Variants in TBC1D10A observed in about 807,000 individuals in gnomAD.
TBC1D10A encodes TBC1 domain family member 10A.
In TBC1D10A, 24 loss-of-function variants were observed where a neutral mutation model predicts 52.9. That is an observed-to-expected ratio of 0.45 (90% CI 0.33 to 0.64). TBC1D10A has a LOEUF of 0.64. TBC1D10A is among the 30% of genes least tolerant of loss of function. The pLI, the probability that TBC1D10A is intolerant of heterozygous loss-of-function variation, is 0.02. For missense variants in TBC1D10A, 602 were observed against 687.9 expected, an observed-to-expected ratio of 0.88 and a Z score of 1.40; for synonymous variants, 278 against 282.9, an observed-to-expected ratio of 0.98 and a Z score of 0.17.
chr22:30,299,835 C>G, intron 2 of TBC1D10A: 1 of 259,686 alleles, frequency 3.9e-6, no homozygotes, highest in Non-Finnish European at 7.6e-6. Flanking sequence ...GGTGTGGTGG[C>G]GGGCGCCTGT....
rs1930012825 is a variant in TBC1D10A at position 30,293,910 on chromosome 22, C to T, written c.895+11G>A. 23 of 1,609,352 alleles carry T rather than the reference C, an allele frequency of 1.4e-5. No homozygotes were observed. The highest frequency in any genetic ancestry group is 2.7e-5 in the African/African-American group (2 of 74,876). ...GGGACAGGGGTGCTCCCCCCAAGCC[C>T]AGCCCAGTACCTTCACAGAAGAACA... On this transcript the variant is annotated intron_variant, in intron 7 of 8. Transcript: ENST00000215790.
chr22:30,309,283 C>G (rs932624785), intron 1 of TBC1D10A, among the ~76,000 whole-genome samples: 1 of 151,744 alleles, frequency 6.6e-6, no homozygotes, highest in Non-Finnish European at 1.5e-5. Context: ...GTCGCCCAGG[C>G]TGGAGTGCAG....
intron 1 of TBC1D10A, among the ~76,000 whole-genome samples, chr22:30,307,376 T>C (rs1337342502): frequency 6.6e-6 from 1 of 152,224 alleles, no homozygotes; most frequent in Non-Finnish European, 1.5e-5. Context: ...CAGCCACTGC[T>C]GGAACTCCTC....
chr22:30,292,970 C>T, intron 8 of TBC1D10A, 119 bp from the exon 9 acceptor site: 2 of 1,131,364 alleles, frequency 1.8e-6, no homozygotes, highest in Non-Finnish European at 1.3e-6. Flanking sequence ...TAAACACTGA[C>T]CCCAGGAAGG....
chr22:30,322,692 C>A (rs929817293), intron 1 of TBC1D10A, among the ~76,000 whole-genome samples: 1 of 138,810 alleles, frequency 7.2e-6, no homozygotes, highest in Non-Finnish European at 1.5e-5. Context: ...CCTCCCTGGG[C>A]TCAAGCAGTC....
At chr22:30,295,113 T>G (rs1364299435) in intron 4 of TBC1D10A, 58 bp from the exon 5 acceptor site, 6 of 1,553,216 alleles carry the variant, frequency 3.9e-6, no homozygotes, top group Non-Finnish European at 4.4e-6. Context: ...CCCACGGCCT[T>G]CACCTATGCC....
At chr22:30,296,135 A>C in intron 3 of TBC1D10A, 1 of 369,428 alleles carries the variant, frequency 2.7e-6, no homozygotes, top group Non-Finnish European at 5.0e-6. Flanking sequence ...ACCTCTAGAC[A>C]TTTCATTCGG....
chr22:30,308,295 CCTGCATGCCTGCCTGCCTGCATGCCTGCA>C (rs1569162169), intron 1 of TBC1D10A, among the ~76,000 whole-genome samples: 9 of 80,292 alleles, frequency 1.1e-4, no homozygotes, highest in African/African-American at 2.8e-4. Flanking sequence ...TGCCTGCATG[CCTGCATGCCTGCCTGCCTGCATGCCTGCA>C]TGCCTGCATG....
chr22:30,293,213 C>G (rs1929990358), intron 8 of TBC1D10A: 2 of 630,712 alleles, frequency 3.2e-6, no homozygotes, highest in African/African-American at 3.6e-5. Context: ...AATTCCAGCT[C>G]CACCTGGGTG....
chr22:30,295,267 T>C (rs562634212), intron 4 of TBC1D10A, among the ~76,000 whole-genome samples: 4 of 152,060 alleles, frequency 2.6e-5, no homozygotes, highest in Non-Finnish European at 4.4e-5. Flanking sequence ...GTCTCCCCCA[T>C]GACAGGGGAG....
chr22:30,315,921 G>A (rs528936637), intron 1 of TBC1D10A, among the ~76,000 whole-genome samples: 114 of 152,218 alleles, frequency 7.5e-4, no homozygotes, highest in Non-Finnish European at 1.3e-3. Context: ...GAGGAGGAGA[G>A]GCCACACAGT....
intron 1 of TBC1D10A, among the ~76,000 whole-genome samples, chr22:30,325,138 C>T (rs1480293666): frequency 6.6e-6 from 1 of 152,228 alleles, no homozygotes; most frequent in Non-Finnish European, 1.5e-5. Context: ...GACAAAGCAT[C>T]AGTCAGGGTG....
chr22:30,293,989 A>G lies in TBC1D10A; in HGVS notation c.827T>C (p.Met276Thr), dbSNP rs1930015061. The change falls in exon 7 of 9, where the codon ATG becomes ACG. Residue 276 changes from methionine to threonine, a missense_variant. Physicochemically the swap from Met to Thr is moderately conservative, Grantham distance 81. Coordinates refer to ENST00000215790, the MANE Select transcript of TBC1D10A (RefSeq NM_031937.3). ...GGGCAAGGTTCGGGAGAAGGCGCACATGAACCATTCTGTCATATAGAGGAG... is the reference window on the plus strand; with the variant it reads ...GGGCAAGGTTCGGGAGAAGGCGCACGTGAACCATTCTGTCATATAGAGGAG... Reference protein sequence around the residue: ...DPLLYMTEWFMCAFSRTLPWS... With the variant: ...DPLLYMTEWFTCAFSRTLPWS... 1 of 1,614,166 alleles carries G rather than the reference A, an allele frequency of 6.2e-7. No individual in the cohort carries two copies. Among genetic ancestry groups the G allele is most frequent in the Non-Finnish European group, 8.5e-7 (1 of 1,179,992 alleles).
chr22:30,292,385 G>GT lies in TBC1D10A; in HGVS notation c.1516dup (p.Thr506AsnfsTer33), dbSNP rs772526711. On this transcript the variant is annotated frameshift_variant, in exon 9 of 9. Coordinates refer to ENST00000215790, the MANE Select transcript of TBC1D10A (RefSeq NM_031937.3). LOFTEE classifies it high-confidence loss of function. ...CCTTAGCTGCCAGGGTTACAAGTAG[G>GT]TGTCCTCACTCTCTTGGGACGTCAA... 9.0e-6 allele frequency: 14 copies of GT among 1,547,236 alleles called. No homozygotes were observed. The highest frequency in any genetic ancestry group is 1.2e-5 in the Non-Finnish European group (14 of 1,146,650).
intron 2 of TBC1D10A, among the ~76,000 whole-genome samples, chr22:30,304,016 G>A (rs1483185502): frequency 2.6e-5 from 4 of 152,204 alleles, no homozygotes; most frequent in Admixed American, 2.0e-4. Flanking sequence ...AGAAGGCCTC[G>A]TACTGTGGTG....
At chr22:30,320,121 G>A (rs191455067) in intron 1 of TBC1D10A, among the ~76,000 whole-genome samples, 30 of 152,250 alleles carry the variant, frequency 2.0e-4, no homozygotes, top group African/African-American at 7.2e-4. Flanking sequence ...CATCTACAAA[G>A]TAACACTTCT....
chr22:30,292,586 A>T lies in TBC1D10A; in HGVS notation c.1316T>A (p.Met439Lys), dbSNP rs551262539. 8 of 1,613,352 alleles carry T rather than the reference A, an allele frequency of 5.0e-6. No homozygotes were observed. The East Asian group carries it at 1.6e-4, about 31-fold the overall frequency. ...KQAQKEQRKQ[M>K]KGRGQLEKPP... The stretch of plus-strand genomic sequence containing the variant: ...CTTCTCCAGCTGCCCTCTCCCCTTC[A>T]TCTGTTTCCGCTGCTCCTTCTGGGC... Residue 439 changes from methionine to lysine, a missense_variant, in exon 9 of 9, where the codon ATG becomes AAG. Met to Lys is a moderately conservative substitution (Grantham distance 95). This residue lies in a region of TBC1D10A where 265 missense variants were observed against 275.1 expected (regional missense o/e 0.96). Coordinates refer to ENST00000215790, the MANE Select transcript of TBC1D10A (RefSeq NM_031937.3).
intron 8 of TBC1D10A, chr22:30,293,125 G>C: frequency 1.6e-6 from 1 of 632,412 alleles, no homozygotes; most frequent in South Asian, 1.9e-5. Flanking sequence ...AAAGGGGTAA[G>C]ACCCAGACAG....
chr22:30,293,697 C>T lies in TBC1D10A; in HGVS notation c.1004G>A (p.Arg335Gln), dbSNP rs767093066. ...CTGCATGATCTTGGGGCTGAGGCTC[C>T]GCAGTCGCTCGATGGTCTCGTACTG... is the stretch of plus-strand genomic sequence containing the variant. ...QGQYETIERLRSLSPKIMQEA... is the reference protein window; with the variant it reads ...QGQYETIERLQSLSPKIMQEA... Residue 335 changes from arginine (R) to glutamine (Q), a missense_variant, in exon 8 of 9, where the codon CGG becomes CAG. Arg to Gln is a conservative substitution (Grantham distance 43, BLOSUM62 1). Transcript: ENST00000215790. 12 of 1,612,522 alleles carry T rather than the reference C, an allele frequency of 7.4e-6. No individual in the cohort carries two copies. The highest frequency in any genetic ancestry group is 2.2e-5 in the South Asian group (2 of 91,068).
Sources: allele counts gnomAD v4.1 joint callset (sites outside exome capture counted in the v4.1 genomes callset), GRCh38; gene constraint gnomAD v4.1.1; regional missense constraint gnomAD v4.1.1; transcripts MANE v1.5; gene names NCBI Gene and HGNC (gene_info 2026-07-23, HGNC 2026-07-21).